NCALD: variants seen among roughly 807,000 people sequenced by gnomAD.
NCALD encodes the protein neurocalcin-delta.
NCALD carries 10 observed loss-of-function variants against 18.6 expected under a neutral mutation model. The observed-to-expected ratio is 0.54, with a 90% CI of 0.33 to 0.91. NCALD has a LOEUF of 0.91. NCALD is among the 40% of genes least tolerant of loss of function. The pLI is 0.03. For missense variants in NCALD, 184 were observed against 247.6 expected (o/e 0.74, Z 1.72); for synonymous variants, 88 against 87.4 (o/e 1.01, Z -0.04).
intron 4 of NCALD, among the ~76,000 whole-genome samples, chr8:101,877,463 TCCAGCATTCCTGGCTAC>T (rs951507694): frequency 6.6e-6 from 1 of 152,176 alleles, no homozygotes; most frequent in African/African-American, 2.4e-5. Context: ...TCCCCATTTA[TCCAGCATTCCTGGCTAC>T]CCAGCATTCC....
At chr8:101,800,923 G>A (rs1393221227) in intron 4 of NCALD, among the ~76,000 whole-genome samples, 14 of 71,154 alleles carry the variant, frequency 2.0e-4, no homozygotes, top group Non-Finnish European at 3.5e-4. Context: ...GGAGGGGGGA[G>A]AGAAGGGGAG....
chr8:101,862,223 A>C (rs1815571738), intron 4 of NCALD, among the ~76,000 whole-genome samples: 1 of 152,262 alleles, frequency 6.6e-6, no homozygotes, highest in Non-Finnish European at 1.5e-5. Context: ...AGAAATGAAT[A>C]AAATTATAAA....
At chr8:101,819,191 A>C (rs976592269) in intron 4 of NCALD, among the ~76,000 whole-genome samples, 2 of 152,068 alleles carry the variant, frequency 1.3e-5, no homozygotes, top group Non-Finnish European at 2.9e-5. Flanking sequence ...ACTAACAAGA[A>C]TTGAATATAC....
chr8:102,110,144 A>G (rs1195079694), intron 1 of NCALD, among the ~76,000 whole-genome samples: 2 of 152,222 alleles, frequency 1.3e-5, no homozygotes, highest in Non-Finnish European at 2.9e-5. Context: ...GAAACGAGCC[A>G]TCAGAGCTTT....
At chr8:101,885,942 C>T (rs1330406036) in intron 4 of NCALD, among the ~76,000 whole-genome samples, 1 of 152,160 alleles carries the variant, frequency 6.6e-6, no homozygotes, top group Non-Finnish European at 1.5e-5. Context: ...TTGTGATATC[C>T]ATAAATAGTT....
intron 1 of NCALD, among the ~76,000 whole-genome samples, chr8:101,784,809 T>C (rs1042103351): frequency 2.0e-5 from 3 of 152,002 alleles, no homozygotes; most frequent in East Asian, 1.9e-4. Flanking sequence ...TAAAAAAAAA[T>C]TTTTTTAATG....
At chr8:102,048,021 A>T (rs1823309808) in intron 1 of NCALD, among the ~76,000 whole-genome samples, 1 of 152,256 alleles carries the variant, frequency 6.6e-6, no homozygotes, top group African/African-American at 2.4e-5. Flanking sequence ...ACTTGGGGAA[A>T]AAATGATGGA....
Position 101,715,515 on chromosome 8 carries a change from C to A in NCALD, c.378+3737G>T, listed in dbSNP as rs374884183. On this transcript the variant is annotated intron_variant, in intron 2 of 3. Coordinates refer to ENST00000220931, the MANE Select transcript of NCALD (RefSeq NM_032041.3). ...GCTTCTGCACAGCAAAAGAAACTAT[C>A]ATCAGAGTGAACAGGCAACCTATAG... is the stretch of plus-strand genomic sequence containing the variant. 3.8e-3 allele frequency among the ~76,000 whole-genome samples: 583 copies of A among 152,240 alleles called. 1 individual carries two copies. Among genetic ancestry groups the A allele is most frequent in the Middle Eastern group, 0.017 (5 of 294 alleles).
At chr8:102,015,861 G>A (rs530961345) in intron 2 of NCALD, among the ~76,000 whole-genome samples, 2 of 152,268 alleles carry the variant, frequency 1.3e-5, no homozygotes, top group South Asian at 4.2e-4. Context: ...CAGTATCCCT[G>A]GGAGCCTCAG....
chr8:101,973,189 T>A (rs183886289), intron 2 of NCALD, among the ~76,000 whole-genome samples: 1 of 152,292 alleles, frequency 6.6e-6, no homozygotes, highest in East Asian at 1.9e-4. Flanking sequence ...TCAGATTTCC[T>A]TAGTGTTTAC....
intron 4 of NCALD, among the ~76,000 whole-genome samples, chr8:101,884,458 G>A (rs770794165): frequency 6.6e-6 from 1 of 152,096 alleles, no homozygotes; most frequent in Non-Finnish European, 1.5e-5. Context: ...ACAAATAAAT[G>A]AATTATGCTT....
At chr8:101,983,611 G>C (rs1563508446) in intron 2 of NCALD, among the ~76,000 whole-genome samples, 1 of 152,192 alleles carries the variant, frequency 6.6e-6, no homozygotes, top group Non-Finnish European at 1.5e-5. Context: ...TATGTGTTGT[G>C]ATGGATACTT....
intron 2 of NCALD, among the ~76,000 whole-genome samples, chr8:101,997,354 T>C (rs1821274856): frequency 6.6e-6 from 1 of 152,134 alleles, no homozygotes; most frequent in Admixed American, 6.6e-5. Flanking sequence ...ACATAAATAA[T>C]ATTTTTAAAG....
upstream of NCALD, among the ~76,000 whole-genome samples, chr8:101,792,586 G>C (rs542516599): frequency 4.2e-4 from 64 of 152,282 alleles, 1 homozygote; most frequent in Middle Eastern, 0.024. Flanking sequence ...AGCCTCACTA[G>C]GGGCAGATTT....
chr8:102,003,001 A>G (rs2132033558), intron 2 of NCALD, among the ~76,000 whole-genome samples: 1 of 152,302 alleles, frequency 6.6e-6, no homozygotes, highest in Middle Eastern at 3.4e-3. Flanking sequence ...TTCAAAAGCT[A>G]GCAGAAGGCA....
chr8:101,916,061 C>G (rs1257220927), intron 2 of NCALD, among the ~76,000 whole-genome samples: 3 of 151,962 alleles, frequency 2.0e-5, no homozygotes, highest in Non-Finnish European at 4.4e-5. Context: ...AATGGACTCC[C>G]TGAGAAAAGA....
At chr8:101,704,779 G>C (rs1267816691) in intron 2 of NCALD, among the ~76,000 whole-genome samples, 2 of 151,652 alleles carry the variant, frequency 1.3e-5, no homozygotes, top group African/African-American at 4.9e-5. Context: ...AATTAGCCGG[G>C]CATGGTATCG....
At chr8:102,067,504 T>C (rs1359338207) in intron 1 of NCALD, among the ~76,000 whole-genome samples, 1 of 152,158 alleles carries the variant, frequency 6.6e-6, no homozygotes, top group Non-Finnish European at 1.5e-5. Context: ...TGACATAATT[T>C]TAGCAAGGAC....
At chr8:101,813,591 C>T (rs1813389305) in intron 4 of NCALD, among the ~76,000 whole-genome samples, 1 of 152,116 alleles carries the variant, frequency 6.6e-6, no homozygotes, top group South Asian at 2.1e-4. Context: ...AAAGGTAACA[C>T]ATACTCATTA....
Sources: allele counts gnomAD v4.1 joint callset (sites outside exome capture counted in the v4.1 genomes callset), GRCh38; gene constraint gnomAD v4.1.1; transcripts MANE v1.5; gene names NCBI Gene and HGNC (gene_info 2026-07-23, HGNC 2026-07-21).